Variants in GRAMD2A observed in about 807,000 individuals in gnomAD.
The protein encoded by GRAMD2A is GRAM domain containing 2A.
Under a neutral mutation model 51.1 loss-of-function variants are expected in GRAMD2A, and 37 were observed. The observed-to-expected ratio is 0.72, with a 90% CI of 0.56 to 0.95. The LOEUF is 0.95. Ranked by LOEUF, GRAMD2A falls within the 40% of genes least tolerant of loss-of-function variation. The pLI is 0.00. For missense variants in GRAMD2A, 414 were observed against 426.9 expected (o/e 0.97, Z 0.27); for synonymous variants, 136 against 157.1 (o/e 0.87, Z 1.01).
At chr15:72,189,506 G>A (rs1387626424) in intron 1 of GRAMD2A, among the ~76,000 whole-genome samples, 1 of 152,164 alleles carries the variant, frequency 6.6e-6, no homozygotes, top group Non-Finnish European at 1.5e-5. Flanking sequence ...TCTCTCTGTG[G>A]TATTTTATAA....
chr15:72,197,679 C>T, intron 1 of GRAMD2A, 52 bp downstream of exon 1: 1 of 1,260,332 alleles, frequency 7.9e-7, no homozygotes, highest in Non-Finnish European at 1.0e-6. Context: ...AGCAGCCCCT[C>T]GCGGCGGCCT....
chr15:72,172,825 C>T (rs1485936237), intron 1 of GRAMD2A, among the ~76,000 whole-genome samples: 1 of 152,154 alleles, frequency 6.6e-6, no homozygotes, highest in Non-Finnish European at 1.5e-5. Flanking sequence ...GGTATTTCTG[C>T]TGTGCCTGTG....
intron 1 of GRAMD2A, among the ~76,000 whole-genome samples, chr15:72,177,956 C>T (rs1252989124): frequency 6.6e-6 from 1 of 152,164 alleles, no homozygotes; most frequent in African/African-American, 2.4e-5. Context: ...TTGAACCCCT[C>T]ACTTCAAGTG....
chr15:72,169,873 G>T lies in GRAMD2A; in HGVS notation c.108C>A (p.Asp36Glu), dbSNP rs893667662. The T allele has an allele frequency of 8.1e-6, 13 of 1,613,910 alleles. No homozygotes were observed. The African/African-American group carries it at 1.6e-4, about 20-fold the overall frequency. The change falls in exon 2 of 12, where the codon GAC (aspartate) becomes GAA (glutamate). Residue 36 changes from aspartate (D) to glutamate (E), a missense_variant. Transcript: ENST00000309731. ...TGTAGTCCGGGGGCTCCTCAACTCTGTCTGGTTTCTCTTTGCAGGACACAG... is the reference window on the plus strand; with the variant it reads ...TGTAGTCCGGGGGCTCCTCAACTCTTTCTGGTTTCTCTTTGCAGGACACAG... ...NSPVSCKEKP[D>E]RVEEPPDYSL... is the part of the protein sequence containing the mutation.
At chr15:72,195,251 A>G (rs1596703028) in intron 1 of GRAMD2A, among the ~76,000 whole-genome samples, 5 of 152,208 alleles carry the variant, frequency 3.3e-5, no homozygotes, top group Admixed American at 2.6e-4. Flanking sequence ...CTACAGTCCA[A>G]TCTCCTTACC....
intron 1 of GRAMD2A, among the ~76,000 whole-genome samples, chr15:72,188,120 C>T (rs1333799179): frequency 6.6e-6 from 1 of 152,032 alleles, no homozygotes; most frequent in East Asian, 1.9e-4. Context: ...AGGCAGATCA[C>T]GAGGTTAGGA....
intron 1 of GRAMD2A, among the ~76,000 whole-genome samples, chr15:72,172,730 C>T (rs1352450867): frequency 6.6e-6 from 1 of 152,108 alleles, no homozygotes; most frequent in Non-Finnish European, 1.5e-5. Flanking sequence ...CATACCTGGC[C>T]TGTAAATTCT....
rs1247739318 is a variant in GRAMD2A, at chr15:72,161,702, G to A, written c.*307C>T. The A allele has an allele frequency of 1.0e-5, 4 of 387,974 alleles. No homozygotes were observed. The highest frequency in any genetic ancestry group is 1.9e-5 in the Non-Finnish European group (4 of 206,002). 24.0% of individuals were successfully genotyped at this position (387,974 alleles called of 1,614,324 possible). A position where few individuals can be genotyped will look rare whatever the true frequency, so the allele number is the denominator to read the frequency against. ...AGAACTGTTTCCAAGGACCCAGTTT[G>A]TTTGTTTGTTTGTTTTCTCTAAGTG... On this transcript the variant is annotated 3_prime_UTR_variant, in exon 12 of 12. Transcript: ENST00000309731.
rs767721928 is a variant in GRAMD2A, at chr15:72,163,617, C to T, written c.741G>A (p.Met247Ile). 2.5e-6 allele frequency: 4 copies of T among 1,596,656 alleles called. No individual in the cohort carries two copies. Among genetic ancestry groups the T allele is most frequent in the Middle Eastern group, 1.7e-4 (1 of 5,986 alleles). The change falls in exon 9 of 12, where the codon ATG becomes ATA. Residue 247 changes from methionine to isoleucine, a missense_variant. Met to Ile is a conservative substitution (Grantham distance 10, BLOSUM62 1). Transcript: ENST00000309731. The stretch of plus-strand genomic sequence containing the variant: ...GACAAGCCCTCCCGAACTTACCAGA[C>T]ATTGGAGGCTTCCTGGAGGGGAAGA... ...DSFFPSRKPP[M>I]SEKSRAQVAS...
Position 72,167,591 on chromosome 15 carries a change from G to C in GRAMD2A, c.372+145C>G, listed in dbSNP as rs1427027765. On this transcript the variant is annotated intron_variant, in intron 5 of 11. Coordinates refer to ENST00000309731, the MANE Select transcript of GRAMD2A (RefSeq NM_001012642.3). The stretch of plus-strand genomic sequence containing the variant: ...TACTTTCCTGGACACTGGATGGGAT[G>C]CCTCGAAGCTGCGCATCCAACCAGC... The C allele has an allele frequency of 1.9e-5, 13 of 674,692 alleles. No homozygotes were observed. In the East Asian group the frequency reaches 3.5e-4, roughly 18 times the overall value. The allele number at this position is 674,692 out of a possible 1,614,324, so 41.8% of individuals were successfully genotyped here.
At chr15:72,163,134 C>T in intron 10 of GRAMD2A, 132 bp downstream of exon 10, 1 of 638,568 alleles carries the variant, frequency 1.6e-6, no homozygotes, top group Non-Finnish European at 2.8e-6. Flanking sequence ...TCAGATACCA[C>T]CCAAGAGCTT....
chr15:72,179,129 C>T (rs1196585683), intron 1 of GRAMD2A, among the ~76,000 whole-genome samples: 1 of 152,180 alleles, frequency 6.6e-6, no homozygotes, highest in Non-Finnish European at 1.5e-5. Context: ...TGAGAACACC[C>T]AGGCCGGGAA....
chr15:72,172,206 C>A (rs2081617208), intron 1 of GRAMD2A, among the ~76,000 whole-genome samples: 1 of 152,094 alleles, frequency 6.6e-6, no homozygotes, highest in Non-Finnish European at 1.5e-5. Flanking sequence ...GCAGCCTCAG[C>A]CTCCCGAGCT....
At chr15:72,178,851 GTT>G (rs2081676010) in intron 1 of GRAMD2A, among the ~76,000 whole-genome samples, 2 of 152,168 alleles carry the variant, frequency 1.3e-5, no homozygotes, top group South Asian at 2.1e-4. Context: ...TGGGATTACA[GTT>G]GTGAGCCACC....
At chr15:72,163,516 G>A in intron 9 of GRAMD2A, 40 bp from the exon 10 acceptor site, 2 of 1,602,616 alleles carry the variant, frequency 1.2e-6, no homozygotes, top group Non-Finnish European at 1.7e-6. Context: ...GCTCTCAGAA[G>A]CCCTGCTGGC....
intron 1 of GRAMD2A, among the ~76,000 whole-genome samples, chr15:72,190,345 C>G (rs771471074): frequency 2.5e-4 from 38 of 152,146 alleles, no homozygotes; most frequent in Non-Finnish European, 4.3e-4. Flanking sequence ...CACCACTGCA[C>G]TCCAGCCTGG....
intron 1 of GRAMD2A, among the ~76,000 whole-genome samples, chr15:72,197,034 CCT>C (rs1462016902): frequency 6.6e-6 from 1 of 152,222 alleles, no homozygotes; most frequent in Non-Finnish European, 1.5e-5. Flanking sequence ...GACCCTAAGA[CCT>C]CAAGCAGCAG....
Position 72,163,217 on chromosome 15 carries a change from A to T in GRAMD2A, c.956+49T>A, listed in dbSNP as rs528982462. 4.7e-6 allele frequency: 6 copies of T among 1,285,060 alleles called. No individual in the cohort carries two copies. The East Asian group carries it at 1.4e-4, about 30-fold the overall frequency. The allele number at this position is 1,285,060 out of a possible 1,614,324, so 79.6% of individuals were successfully genotyped here. A position where few individuals can be genotyped will look rare whatever the true frequency, so the allele number is the denominator to read the frequency against. The stretch of plus-strand genomic sequence containing the variant: ...ACACTCCAAGGCCCTTGTTCCAAGC[A>T]CCTAGACATGCAGGTGGGTCTGTCC... On this transcript the variant is annotated intron_variant, in intron 10 of 11. Coordinates refer to ENST00000309731, the MANE Select transcript of GRAMD2A (RefSeq NM_001012642.3).
chr15:72,163,243 C>G, intron 10 of GRAMD2A, 23 bp downstream of exon 10: 2 of 1,574,706 alleles, frequency 1.3e-6, no homozygotes, highest in Non-Finnish European at 1.7e-6. Context: ...GGGTCTGTCC[C>G]CCTCCCCAGT....
Sources: allele counts gnomAD v4.1 joint callset (sites outside exome capture counted in the v4.1 genomes callset), GRCh38; gene constraint gnomAD v4.1.1; transcripts MANE v1.5; gene names NCBI Gene and HGNC (gene_info 2026-07-23, HGNC 2026-07-21).